The following UNC5D variants were observed in gnomAD, a reference collection of about 807,000 sequenced individuals.
UNC5D encodes unc-5 netrin receptor D.
UNC5D carries 39 observed loss-of-function variants against 105.4 expected under a neutral mutation model. That is an observed-to-expected ratio of 0.37 (90% CI 0.29 to 0.48). The LOEUF (loss-of-function observed/expected upper bound fraction) is 0.48. Among genes scored for constraint, UNC5D ranks in the 20% least tolerant of loss-of-function variants. The probability of loss-of-function intolerance (pLI) is 0.98; values close to 1 mark genes in which losing one functional copy is unlikely to be tolerated. For missense variants in UNC5D, 991 were observed against 1,202.4 expected (o/e 0.82, Z 2.60); for synonymous variants, 452 against 450.4 (o/e 1.00, Z -0.04).
intron 1 of UNC5D, among the ~76,000 whole-genome samples, chr8:35,271,539 TA>T (rs1401695500): frequency 6.9e-6 from 1 of 144,276 alleles, no homozygotes; most frequent in Admixed American, 6.9e-5. Context: ...GTATATATTT[TA>T]TATATGTATA....
At chr8:35,785,945 A>G (rs1802722929) in intron 16 of UNC5D, among the ~76,000 whole-genome samples, 1 of 152,060 alleles carries the variant, frequency 6.6e-6, no homozygotes, top group African/African-American at 2.4e-5. Context: ...TCCCCCTTAT[A>G]AGGTTATACC....
intron 1 of UNC5D, among the ~76,000 whole-genome samples, chr8:35,246,175 C>T (rs1185466097): frequency 6.6e-6 from 1 of 152,112 alleles, no homozygotes; most frequent in Non-Finnish European, 1.5e-5. Flanking sequence ...AAGGCTCCTT[C>T]CTGCTCTGAA....
rs147169982 is a variant in UNC5D at position 35,606,485 on chromosome 8, A to G, written c.570+10828A>G. On this transcript the variant is annotated intron_variant, in intron 4 of 16. Transcript: ENST00000404895. ...CAGGTTTATTATATGGGTAAATTGC[A>G]TGTCACAAGAGTTTGGTGTACAGAT... Among the ~76,000 whole-genome samples, 9 of 152,288 alleles carry G rather than the reference A, an allele frequency of 5.9e-5. No individual in the cohort carries two copies. The East Asian group carries it at 1.7e-3, about 29-fold the overall frequency.
At chr8:35,413,736 T>A (rs1418932210) in intron 1 of UNC5D, among the ~76,000 whole-genome samples, 1 of 152,144 alleles carries the variant, frequency 6.6e-6, no homozygotes, top group Non-Finnish European at 1.5e-5. Context: ...TCTTCATAAA[T>A]GCCATGTACA....
intron 10 of UNC5D, among the ~76,000 whole-genome samples, chr8:35,728,806 T>G (rs921074842): frequency 6.6e-6 from 1 of 152,214 alleles, no homozygotes. Flanking sequence ...AGACTGGTGC[T>G]TCTGTGGTCA....
intron 1 of UNC5D, among the ~76,000 whole-genome samples, chr8:35,536,239 G>A (rs1020853031): frequency 1.3e-5 from 2 of 152,170 alleles, no homozygotes; most frequent in African/African-American, 2.4e-5. Flanking sequence ...AAATCAGGGC[G>A]CAGCTTCTTT....
chr8:35,240,050 C>G (rs1258984805), intron 1 of UNC5D, among the ~76,000 whole-genome samples: 1 of 152,134 alleles, frequency 6.6e-6, no homozygotes, highest in Non-Finnish European at 1.5e-5. Flanking sequence ...ATCCTCCCAC[C>G]CCAGCCTCTT....
At chr8:35,437,234 C>T (rs1029735539) in intron 1 of UNC5D, among the ~76,000 whole-genome samples, 1 of 151,894 alleles carries the variant, frequency 6.6e-6, no homozygotes, top group African/African-American at 2.4e-5. Flanking sequence ...AAACATGTGC[C>T]ATTATCTATA....
In UNC5D at chr8:35,447,498, AT is replaced by A. The variant is rs1323513271; in HGVS notation, c.104-101792del. On this transcript the variant is annotated intron_variant, in intron 1 of 16. Transcript: ENST00000404895. ...GGTTTCAGTCCTTCTACTGACATGCATTACCTTTTTTCCTTCAATTCATTCA... is the reference window on the plus strand; with the variant it reads ...GGTTTCAGTCCTTCTACTGACATGCATACCTTTTTTCCTTCAATTCATTCA... Among the ~76,000 whole-genome samples the A allele has an allele frequency of 1.6e-4, 24 of 152,180 alleles. No homozygotes were observed. In the East Asian group the frequency reaches 4.7e-3, roughly 30 times the overall value.
At chr8:35,635,125 T>C (rs763234789) in intron 4 of UNC5D, among the ~76,000 whole-genome samples, 1 of 152,126 alleles carries the variant, frequency 6.6e-6, no homozygotes, top group Non-Finnish European at 1.5e-5. Flanking sequence ...GTGCACTATT[T>C]TTTCTCTCTC....
intron 14 of UNC5D, among the ~76,000 whole-genome samples, chr8:35,765,593 C>T (rs1443303487): frequency 6.6e-6 from 1 of 152,146 alleles, no homozygotes; most frequent in East Asian, 1.9e-4. Context: ...CTGAGTCCAC[C>T]AGAAAGTATC....
intron 4 of UNC5D, among the ~76,000 whole-genome samples, chr8:35,597,503 A>C (rs1325207015): frequency 6.6e-6 from 1 of 152,114 alleles, no homozygotes; most frequent in Non-Finnish European, 1.5e-5. Context: ...CAAAAATCCC[A>C]GTTTACAAAT....
intron 1 of UNC5D, among the ~76,000 whole-genome samples, chr8:35,416,600 G>GT (rs1379520230): frequency 6.6e-6 from 1 of 151,996 alleles, no homozygotes; most frequent in African/African-American, 2.4e-5. Flanking sequence ...TGGCCTTCCT[G>GT]TTTTTCACTT....
chr8:35,782,413 G>T (rs1270293493), intron 16 of UNC5D, among the ~76,000 whole-genome samples: 1 of 151,986 alleles, frequency 6.6e-6, no homozygotes, highest in Non-Finnish European at 1.5e-5. Context: ...GTGCTATATA[G>T]TAGGATTATA....
chr8:35,408,106 T>C (rs1406647938), intron 1 of UNC5D, among the ~76,000 whole-genome samples: 2 of 152,106 alleles, frequency 1.3e-5, no homozygotes, highest in East Asian at 1.9e-4. Flanking sequence ...ATGTTTGTGG[T>C]CATTCATATC....
chr8:35,437,855 C>T lies in UNC5D; in HGVS notation c.104-111437C>T, dbSNP rs565277449. ...CAGGAGCAATTGGATTTCTTCTGAG[C>T]GGTTGATTTTTTTTTTTTGTCTTAC... On this transcript the variant is annotated intron_variant, in intron 1 of 16. Transcript: ENST00000404895. Among the ~76,000 whole-genome samples, 9 of 146,904 alleles carry T rather than the reference C, an allele frequency of 6.1e-5. 1 individual carries two copies. Among genetic ancestry groups the T allele is most frequent in the Admixed American group, 2.7e-4 (4 of 14,676 alleles).
chr8:35,632,070 G>T (rs902290893), intron 4 of UNC5D, among the ~76,000 whole-genome samples: 1 of 152,138 alleles, frequency 6.6e-6, no homozygotes, highest in Non-Finnish European at 1.5e-5. Context: ...TTCTTCCCCA[G>T]CTCAAGCACA....
intron 8 of UNC5D, among the ~76,000 whole-genome samples, chr8:35,710,732 T>TAA (rs1327891099): frequency 1.3e-5 from 2 of 151,676 alleles, no homozygotes; most frequent in Non-Finnish European, 2.9e-5. Context: ...GCTCAAGGAG[T>TAA]AAGAGAAAAA....
chr8:35,324,546 C>T (rs1810009928), intron 1 of UNC5D, among the ~76,000 whole-genome samples: 1 of 152,042 alleles, frequency 6.6e-6, no homozygotes, highest in African/African-American at 2.4e-5. Flanking sequence ...TTTTATTGAA[C>T]AACTCTTATG....
Sources: gnomAD v4.1 joint callset for allele counts (sites outside exome capture counted in the v4.1 genomes callset) on GRCh38, gnomAD v4.1.1 for gene constraint, MANE v1.5 for transcripts, NCBI Gene and HGNC (gene_info 2026-07-23, HGNC 2026-07-21) for gene names.